MLLT10: variants seen among roughly 807,000 people sequenced by gnomAD.
MLLT10 encodes MLLT10 histone lysine methyltransferase DOT1L cofactor.
A neutral mutation model predicts 129.1 loss-of-function variants in MLLT10; 30 were observed. The observed-to-expected ratio is 0.23, with a 90% CI of 0.17 to 0.32. The LOEUF (loss-of-function observed/expected upper bound fraction) is 0.32, where lower values mean the gene tolerates loss of function less well. MLLT10 is among the 10% of genes least tolerant of loss of function. MLLT10 has a pLI of 1.00. For missense variants in MLLT10, 1,119 were observed against 1,268.3 expected, an observed-to-expected ratio of 0.88 and a Z score of 1.79; for synonymous variants, 490 against 446.4, an observed-to-expected ratio of 1.10 and a Z score of -1.23.
chr10:21,731,736 C>T (rs10430587), intron 17 of MLLT10, among the ~76,000 whole-genome samples: 150,823 of 152,288 alleles, frequency 0.99, 74,744 homozygotes, highest in Middle Eastern at 1. Context: ...TTCACCATTT[C>T]AAGTATTAGG....
At chr10:21,649,936 A>T (rs755389019) in intron 8 of MLLT10, among the ~76,000 whole-genome samples, 1 of 152,208 alleles carries the variant, frequency 6.6e-6, no homozygotes, top group South Asian at 2.1e-4. Flanking sequence ...TTGGGGAGTC[A>T]TTATCTGCCA....
chr10:21,656,475 T>C (rs927082975), intron 9 of MLLT10, among the ~76,000 whole-genome samples: 3 of 152,200 alleles, frequency 2.0e-5, no homozygotes, highest in Admixed American at 1.3e-4. Context: ...GTCTGTATCA[T>C]GTAGTGTTTG....
chr10:21,593,336 G>C (rs538276553), intron 4 of MLLT10, among the ~76,000 whole-genome samples: 5 of 151,856 alleles, frequency 3.3e-5, no homozygotes, highest in Admixed American at 3.3e-4. Context: ...CAAGTGATCC[G>C]CCTCAGCCTT....
chr10:21,710,560 T>C (rs1209472761), intron 13 of MLLT10, among the ~76,000 whole-genome samples: 1 of 152,152 alleles, frequency 6.6e-6, no homozygotes, highest in African/African-American at 2.4e-5. Context: ...TACTGTAACT[T>C]ACCATGCTTC....
chr10:21,603,343 A>C (rs1411292255), intron 5 of MLLT10, among the ~76,000 whole-genome samples: 3 of 151,744 alleles, frequency 2.0e-5, no homozygotes, highest in Non-Finnish European at 4.4e-5. Flanking sequence ...CTGGGATTAC[A>C]GATGTGAGCC....
At chr10:21,613,192 CAAAAAAAAAAAA>C (rs993493277) in intron 6 of MLLT10, among the ~76,000 whole-genome samples, 7 of 24,640 alleles carry the variant, frequency 2.8e-4, no homozygotes, top group South Asian at 1.4e-3. Flanking sequence ...GACTCTGTCT[CAAAAAAAAAAAA>C]AAAAAAAAAA....
At position 21,730,929 on chromosome 10, in the gene MLLT10, A is replaced by G. The variant is rs144818427; in HGVS notation, c.2093A>G (p.Tyr698Cys). Residue 698 changes from tyrosine (Y) to cysteine (C), a missense_variant, in exon 17 of 23, where the codon TAT becomes TGT. Around this residue, in one of 5 missense-constraint regions of MLLT10, gnomAD observed 1,004 missense variants for 1,008.7 expected, o/e 1.00. Transcript: ENST00000307729. ...RSPVSSLQIR[Y>C]DQPGNSSLEN... is the part of the protein sequence containing the mutation. The stretch of plus-strand genomic sequence containing the variant: ...CCTGTAAGCAGCTTACAGATTCGCT[A>G]TGATCAACCAGGCAACAGCAGTTTG... The G allele has an allele frequency of 8.7e-6, 14 of 1,614,094 alleles. No individual in the cohort carries two copies. In the African/African-American group the frequency reaches 9.3e-5, roughly 11 times the overall value.
At chr10:21,621,574 C>T (rs2045860616) in intron 8 of MLLT10, among the ~76,000 whole-genome samples, 1 of 151,960 alleles carries the variant, frequency 6.6e-6, no homozygotes, top group Non-Finnish European at 1.5e-5. Context: ...AGTAGGTGAG[C>T]GAGGTGTGCC....
At chr10:21,734,254 TAAGTA>T in intron 20 of MLLT10, 125 bp downstream of exon 20, 1 of 1,083,888 alleles carries the variant, frequency 9.2e-7, no homozygotes, top group Non-Finnish European at 1.3e-6. Context: ...CCAAAAATTT[TAAGTA>T]TATTATACAG....
intron 18 of MLLT10, 83 bp from the exon 19 acceptor site, chr10:21,733,420 TA>T: frequency 1.1e-6 from 1 of 872,620 alleles, no homozygotes; most frequent in Non-Finnish European, 1.6e-6. Context: ...GGCTTCAGCA[TA>T]AGCTTTTTAA....
intron 3 of MLLT10, among the ~76,000 whole-genome samples, chr10:21,549,122 CTTTTTT>C (rs5783779): frequency 1.5e-5 from 2 of 130,392 alleles, no homozygotes; most frequent in Middle Eastern, 3.9e-3. Flanking sequence ...GAGCTTATTC[CTTTTTT>C]TTTTTTTTTT....
chr10:21,713,063 C>A (rs906717442), intron 13 of MLLT10, among the ~76,000 whole-genome samples: 10 of 152,158 alleles, frequency 6.6e-5, no homozygotes, highest in Non-Finnish European at 1.5e-4. Flanking sequence ...ATCAAGTCTC[C>A]CATGATTTTC....
At chr10:21,541,891 T>C (rs2035225698) in intron 3 of MLLT10, among the ~76,000 whole-genome samples, 1 of 152,228 alleles carries the variant, frequency 6.6e-6, no homozygotes, top group Non-Finnish European at 1.5e-5. Context: ...ACAGCTGTTA[T>C]TCTAGTGTGA....
chr10:21,726,290 T>A lies in MLLT10; in HGVS notation c.1925T>A (p.Met642Lys). The A allele has an allele frequency of 2.5e-6, 4 of 1,613,468 alleles. No homozygotes were observed. Among genetic ancestry groups the A allele is most frequent in the Non-Finnish European group, 3.4e-6 (4 of 1,179,588 alleles). ...GSSLSQAPSHMYGNRSNSSMA... is the reference protein window; with the variant it reads ...GSSLSQAPSHKYGNRSNSSMA... Reference sequence around the variant, plus strand: ...TCTCTCAGTCAGGCACCATCTCATATGTATGGCAATAGATCAAATTCATCA... The same window carrying A: ...TCTCTCAGTCAGGCACCATCTCATAAGTATGGCAATAGATCAAATTCATCA... Residue 642 changes from methionine to lysine, a missense_variant, in exon 15 of 23, where the codon ATG becomes AAG. Physicochemically the swap from Met to Lys is moderately conservative, Grantham distance 95. Transcript: ENST00000307729.
rs1305355800 is a variant in MLLT10 at position 21,735,162 on chromosome 10, C to G, written c.2882C>G (p.Ser961Cys). ...TNSASGLGLLSDQQRQILIHQ... is the reference protein window; with the variant it reads ...TNSASGLGLLCDQQRQILIHQ... ...AGTGCCTCAGGACTAGGATTACTTT[C>G]TGACCAGCAACGACAAATACTTATT... The change falls in exon 21 of 23, where the codon TCT (serine) becomes TGT (cysteine). Residue 961 changes from serine to cysteine, a missense_variant. This residue lies in a region of MLLT10 where 1,004 missense variants were observed against 1,008.7 expected (regional missense o/e 1.00). Transcript: ENST00000307729. The G allele has an allele frequency of 1.9e-6, 3 of 1,613,926 alleles. No homozygotes were observed. Among genetic ancestry groups the G allele is most frequent in the South Asian group, 1.1e-5 (1 of 91,068 alleles).
chr10:21,690,563 G>T (rs2053753461), intron 13 of MLLT10, among the ~76,000 whole-genome samples: 1 of 151,860 alleles, frequency 6.6e-6, no homozygotes, highest in Non-Finnish European at 1.5e-5. Flanking sequence ...ATATGCAACG[G>T]TTATGCATCT....
At chr10:21,733,270 T>C (rs1359665362) in intron 18 of MLLT10, among the ~76,000 whole-genome samples, 183 bp downstream of exon 18, 1 of 152,198 alleles carries the variant, frequency 6.6e-6, no homozygotes, top group Non-Finnish European at 1.5e-5. Context: ...TCTTAGTCCA[T>C]AATATAATGG....
At chr10:21,540,095 T>A (rs1407837149) in intron 3 of MLLT10, among the ~76,000 whole-genome samples, 1 of 151,904 alleles carries the variant, frequency 6.6e-6, no homozygotes, top group African/African-American at 2.4e-5. Flanking sequence ...AGAAAAATTT[T>A]AAAAATTAGT....
chr10:21,667,539 C>A (rs1203382832), intron 9 of MLLT10, among the ~76,000 whole-genome samples: 3 of 150,776 alleles, frequency 2.0e-5, no homozygotes, highest in African/African-American at 4.9e-5. Context: ...TTAATGTACT[C>A]ATTCTTTTGG....
Sources: allele counts gnomAD v4.1 joint callset (sites outside exome capture counted in the v4.1 genomes callset), GRCh38; gene constraint gnomAD v4.1.1; regional missense constraint gnomAD v4.1.1; transcripts MANE v1.5; gene names NCBI Gene and HGNC (gene_info 2026-07-23, HGNC 2026-07-21).